Variants in TENM2 observed in about 807,000 individuals in gnomAD.
TENM2 encodes the protein teneurin-2.
A neutral mutation model predicts 245.2 loss-of-function variants in TENM2; 52 were observed. The observed-to-expected ratio is 0.21, with a 90% CI of 0.17 to 0.27. The LOEUF is 0.27. Ranked by LOEUF, TENM2 falls within the 10% of genes least tolerant of loss-of-function variation. The probability of loss-of-function intolerance (pLI) is 1.00; values close to 1 mark genes in which losing one functional copy is unlikely to be tolerated. For synonymous variants in TENM2, 1,363 were observed against 1,438.9 expected, an observed-to-expected ratio of 0.95 and a Z score of 1.19; for missense variants, 3,046 against 3,666.8, an observed-to-expected ratio of 0.83 and a Z score of 4.37.
the TENM2 span, among the ~76,000 whole-genome samples, chr5:167,228,236 G>A: frequency 6.6e-6 from 1 of 151,754 alleles, no homozygotes. Flanking sequence ...CACCATGATG[G>A]CCAGGCTGGT....
At chr5:167,188,414 G>A in the TENM2 span, among the ~76,000 whole-genome samples, 2 of 152,088 alleles carry the variant, frequency 1.3e-5, no homozygotes, top group African/African-American at 2.4e-5. Flanking sequence ...CTCAAAACAC[G>A]AAATGAGCCA....
chr5:167,987,893 G>A (rs577737206), intron 4 of TENM2, among the ~76,000 whole-genome samples: 1 of 152,220 alleles, frequency 6.6e-6, no homozygotes, highest in African/African-American at 2.4e-5. Flanking sequence ...ACTGTATCAT[G>A]GGAGAAATAG....
the TENM2 span, among the ~76,000 whole-genome samples, chr5:167,170,002 G>T: frequency 6.6e-6 from 1 of 152,194 alleles, no homozygotes; most frequent in Non-Finnish European, 1.5e-5. Flanking sequence ...TTTCTTGGGT[G>T]TGGTCAGTCC....
chr5:167,005,257 T>C, the TENM2 span, among the ~76,000 whole-genome samples: 1 of 152,162 alleles, frequency 6.6e-6, no homozygotes, highest in African/African-American at 2.4e-5. Context: ...AATGGTCTGT[T>C]GAGGGTAGAC....
At chr5:166,992,118 A>G in the TENM2 span, among the ~76,000 whole-genome samples, 1 of 152,032 alleles carries the variant, frequency 6.6e-6, no homozygotes, top group Non-Finnish European at 1.5e-5. Flanking sequence ...TTTAAAATGT[A>G]AAAGGGGATT....
At chr5:167,422,978 C>T (rs1056874571) in intron 2 of TENM2, among the ~76,000 whole-genome samples, 1 of 152,184 alleles carries the variant, frequency 6.6e-6, no homozygotes, top group Non-Finnish European at 1.5e-5. Flanking sequence ...ATAGTTTTGT[C>T]CATGTTGTGC....
At chr5:167,967,582 T>C (rs887792878) in intron 4 of TENM2, among the ~76,000 whole-genome samples, 12 of 152,110 alleles carry the variant, frequency 7.9e-5, no homozygotes, top group African/African-American at 2.9e-4. Flanking sequence ...GAACTTCTTA[T>C]TGCAGGGTAC....
At chr5:168,216,295 C>G (rs748319624) in intron 21 of TENM2, among the ~76,000 whole-genome samples, 26 of 152,164 alleles carry the variant, frequency 1.7e-4, no homozygotes, top group Admixed American at 4.6e-4. Context: ...GGGAATACTT[C>G]CTGAAGCATA....
At position 168,073,853 on chromosome 5, in the gene TENM2, G is replaced by A. The variant is rs558974564; in HGVS notation, c.1515+11588G>A. On this transcript the variant is annotated intron_variant, in intron 7 of 28. Coordinates refer to ENST00000518659, the Ensembl canonical transcript of TENM2. Reference sequence around the variant, plus strand: ...CAGACAGATGCACATTCTGCCAGAGGCAGGCCATCACGTTGTATTCAGCCA... The same window carrying A: ...CAGACAGATGCACATTCTGCCAGAGACAGGCCATCACGTTGTATTCAGCCA... Among the ~76,000 whole-genome samples, 284 of 152,316 alleles carry A rather than the reference G, an allele frequency of 1.9e-3. 3 individuals carry two copies. Among genetic ancestry groups the A allele is most frequent in the Non-Finnish European group, 7.8e-4 (53 of 68,028 alleles).
chr5:168,259,011 C>T (rs1474314387), intron 27 of TENM2, among the ~76,000 whole-genome samples: 2 of 151,150 alleles, frequency 1.3e-5, no homozygotes, highest in African/African-American at 2.4e-5. Context: ...GGCAAAGCCC[C>T]GCCTCTACTA....
chr5:168,226,076 A>G lies in TENM2; in HGVS notation c.5109-12A>G, dbSNP rs1288321057. The G allele has an allele frequency of 3.1e-6, 5 of 1,607,482 alleles. No homozygotes were observed. In the Admixed American group the frequency reaches 6.7e-5, roughly 22 times the overall value. ...CTAACCAGGGTTTATCTATCTATCTATCTCCCCCCAGCTATGACCACGAAG... is the reference window on the plus strand; with the variant it reads ...CTAACCAGGGTTTATCTATCTATCTGTCTCCCCCCAGCTATGACCACGAAG... On this transcript the variant is annotated splice_polypyrimidine_tract_variant and intron_variant, in intron 23 of 28. Transcript: ENST00000518659.
chr5:167,117,785 C>T, the TENM2 span, among the ~76,000 whole-genome samples: 316 of 152,216 alleles, frequency 2.1e-3, no homozygotes, highest in Non-Finnish European at 3.5e-3. Context: ...TGGCAGCATT[C>T]ATGGACTCTA....
the TENM2 span, among the ~76,000 whole-genome samples, chr5:166,999,998 G>C: frequency 6.6e-6 from 1 of 152,152 alleles, no homozygotes; most frequent in African/African-American, 2.4e-5. Context: ...CCCTGTAAGA[G>C]GAATGTTGTA....
At position 167,731,575 on chromosome 5, in the gene TENM2, T is replaced by A. The variant is rs76444590; in HGVS notation, c.503-144411T>A. ...CTTTGTAACAAAAGCATTTTTTTTT[T>A]ATTTAACCTATTTTATCACTTGAAA... On this transcript the variant is annotated intron_variant, in intron 2 of 28. Transcript: ENST00000518659. Among the ~76,000 whole-genome samples, 621 of 152,130 alleles carry A rather than the reference T, an allele frequency of 4.1e-3. 7 individuals carry two copies. Among genetic ancestry groups the A allele is most frequent in the African/African-American group, 0.014 (576 of 41,474 alleles).
intron 3 of TENM2, among the ~76,000 whole-genome samples, chr5:167,895,324 G>T (rs368497060): frequency 3.3e-5 from 5 of 151,996 alleles, no homozygotes; most frequent in East Asian, 3.9e-4. Context: ...CAATAAAGTA[G>T]GAACCACCAT....
chr5:167,542,619 C>A (rs1057241599), intron 2 of TENM2, among the ~76,000 whole-genome samples: 1 of 152,144 alleles, frequency 6.6e-6, no homozygotes, highest in Non-Finnish European at 1.5e-5. Flanking sequence ...AGTTGCATAG[C>A]TTTTGTATTG....
At chr5:168,263,086 A>C, downstream of TENM2, 1 of 378,858 alleles carries the variant, frequency 2.6e-6, no homozygotes. Flanking sequence ...TTCCCCTAAA[A>C]TATGACCCAC....
chr5:167,659,966 C>T (rs1755098649), intron 2 of TENM2: 2 of 152,132 alleles, frequency 1.3e-5, no homozygotes, highest in South Asian at 2.1e-4. Flanking sequence ...TCTGTAAATA[C>T]ACCTGAAATA....
chr5:168,031,811 G>A (rs1455264712), intron 5 of TENM2, among the ~76,000 whole-genome samples: 2 of 151,038 alleles, frequency 1.3e-5, no homozygotes, highest in Non-Finnish European at 3.0e-5. Flanking sequence ...GAGGGAGAGA[G>A]GGAGGAAGGG....
Sources: gnomAD v4.1 joint callset for allele counts (sites outside exome capture counted in the v4.1 genomes callset) on GRCh38, gnomAD v4.1.1 for gene constraint, MANE v1.5 for transcripts, NCBI Gene and HGNC (gene_info 2026-07-23, HGNC 2026-07-21) for gene names.